The following GALNT17 variants were observed in gnomAD, a reference collection of about 807,000 sequenced individuals.
GALNT17 encodes polypeptide N-acetylgalactosaminyltransferase 17.
Under a neutral mutation model 63.7 loss-of-function variants are expected in GALNT17, and 29 were observed. The observed-to-expected ratio is 0.46, with a 90% CI of 0.34 to 0.62. GALNT17 has a LOEUF of 0.62. Ranked by LOEUF, GALNT17 falls within the 20% of genes least tolerant of loss-of-function variation. The pLI is 0.01. For missense variants in GALNT17, 603 were observed against 799.6 expected, an observed-to-expected ratio of 0.75 and a Z score of 2.97; for synonymous variants, 305 against 318.3, an observed-to-expected ratio of 0.96 and a Z score of 0.45.
chr7:71,315,582 T>C, intron 1 of GALNT17, among the ~76,000 whole-genome samples: 1 of 152,234 alleles, frequency 6.6e-6, no homozygotes, highest in East Asian at 1.9e-4. Flanking sequence ...TATGGGCTTG[T>C]GTTCATTATT....
chr7:71,191,911 C>T (rs1021840035), intron 1 of GALNT17, among the ~76,000 whole-genome samples: 35 of 152,098 alleles, frequency 2.3e-4, no homozygotes, highest in African/African-American at 7.2e-4. Context: ...CTCACAGGAT[C>T]GCAAGGTGAA....
At chr7:71,393,160 T>C (rs1448102526) in intron 3 of GALNT17, among the ~76,000 whole-genome samples, 1 of 152,242 alleles carries the variant, frequency 6.6e-6, no homozygotes, top group Non-Finnish European at 1.5e-5. Context: ...TCTGCATGGC[T>C]TCATTAATAG....
chr7:71,709,584 T>TG (rs902336331), intron 9 of GALNT17, among the ~76,000 whole-genome samples: 1 of 146,982 alleles, frequency 6.8e-6, no homozygotes, highest in Non-Finnish European at 1.5e-5. Context: ...TTGGGTTTTT[T>TG]TTTTTGTTTT....
intron 6 of GALNT17, among the ~76,000 whole-genome samples, chr7:71,573,860 G>T (rs1410087619): frequency 6.6e-6 from 1 of 152,140 alleles, no homozygotes; most frequent in Non-Finnish European, 1.5e-5. Context: ...CCCAGTGTCT[G>T]TGGTTCCCTT....
chr7:71,528,061 C>G (rs1289253869), intron 5 of GALNT17, among the ~76,000 whole-genome samples: 1 of 152,168 alleles, frequency 6.6e-6, no homozygotes, highest in Non-Finnish European at 1.5e-5. Flanking sequence ...TTAGCCATTC[C>G]AGGACAGGGA....
intron 1 of GALNT17, among the ~76,000 whole-genome samples, chr7:71,172,121 G>C (rs1324866602): frequency 6.6e-6 from 1 of 152,180 alleles, no homozygotes; most frequent in Non-Finnish European, 1.5e-5. Flanking sequence ...AAGAATATGA[G>C]AGGAGGGCGA....
At chr7:71,701,465 T>C (rs2867505) in intron 9 of GALNT17, among the ~76,000 whole-genome samples, 20,569 of 151,070 alleles carry the variant, frequency 0.14, 1,578 homozygotes, top group African/African-American at 0.2. Flanking sequence ...CCAGCCTGGA[T>C]AACAGAGTGA....
At chr7:71,418,828 C>T (rs369263315) in intron 4 of GALNT17, among the ~76,000 whole-genome samples, 1 of 152,184 alleles carries the variant, frequency 6.6e-6, no homozygotes, top group Non-Finnish European at 1.5e-5. Context: ...TGGGACCAGG[C>T]GTGGTGGCTT....
chr7:71,324,373 C>G (rs1791668075), intron 1 of GALNT17, among the ~76,000 whole-genome samples: 1 of 151,988 alleles, frequency 6.6e-6, no homozygotes, highest in African/African-American at 2.4e-5. Context: ...CCAAGAGGCC[C>G]AGCACAGTGG....
intron 1 of GALNT17, among the ~76,000 whole-genome samples, chr7:71,216,615 GACACAC>G (rs199932828): frequency 1.5e-4 from 22 of 150,360 alleles, no homozygotes; most frequent in African/African-American, 3.7e-4. Flanking sequence ...CATACACACA[GACACAC>G]ACACACACAT....
chr7:71,324,633 G>A (rs1791673210), intron 1 of GALNT17, among the ~76,000 whole-genome samples: 1 of 152,128 alleles, frequency 6.6e-6, no homozygotes. Context: ...ACTGCAGCCT[G>A]GGTGACAGAG....
chr7:71,349,466 T>C (rs1792153636), intron 2 of GALNT17, among the ~76,000 whole-genome samples: 1 of 152,132 alleles, frequency 6.6e-6, no homozygotes, highest in Admixed American at 6.6e-5. Flanking sequence ...CTGTGGCATA[T>C]GGAGGGAACA....
chr7:71,205,152 C>CT (rs759200277), intron 1 of GALNT17, among the ~76,000 whole-genome samples: 2,364 of 114,958 alleles, frequency 0.021, 95 homozygotes, highest in African/African-American at 0.043. Context: ...TTACTTTTTA[C>CT]TTTTTTTTTT....
intron 1 of GALNT17, among the ~76,000 whole-genome samples, chr7:71,185,514 TTTC>T (rs908629151): frequency 1.4e-4 from 21 of 145,854 alleles, no homozygotes; most frequent in Middle Eastern, 3.5e-3. Flanking sequence ...CTAATTTTCG[TTTC>T]TTTTCTTTTT....
intron 5 of GALNT17, among the ~76,000 whole-genome samples, chr7:71,426,690 G>C (rs572306884): frequency 4.8e-4 from 73 of 152,226 alleles, no homozygotes; most frequent in African/African-American, 1.6e-3. Flanking sequence ...GGAGGCCGAG[G>C]TGGGCTGATA....
At chr7:71,262,807 A>G (rs935599155) in intron 1 of GALNT17, among the ~76,000 whole-genome samples, 1 of 151,264 alleles carries the variant, frequency 6.6e-6, no homozygotes, top group African/African-American at 2.4e-5. Context: ...GAGCTCCCCA[A>G]GTAGCTGGGA....
chr7:71,669,492 T>C (rs753883586), intron 7 of GALNT17, among the ~76,000 whole-genome samples: 3 of 151,262 alleles, frequency 2.0e-5, no homozygotes, highest in Non-Finnish European at 4.4e-5. Context: ...GCCTGGGTGA[T>C]AGACCAAGAC....
chr7:71,567,753 G>A (rs527742582), intron 5 of GALNT17, among the ~76,000 whole-genome samples: 5 of 152,112 alleles, frequency 3.3e-5, no homozygotes, highest in South Asian at 2.1e-4. Flanking sequence ...GTGAGCCACC[G>A]CACCCAGCCC....
intron 1 of GALNT17, among the ~76,000 whole-genome samples, chr7:71,292,154 G>A (rs1336966241): frequency 6.6e-6 from 1 of 152,188 alleles, no homozygotes; most frequent in Non-Finnish European, 1.5e-5. Context: ...GATTCCGGGA[G>A]AGAGTAGTCA....
Sources: allele counts gnomAD v4.1 joint callset (sites outside exome capture counted in the v4.1 genomes callset), GRCh38; gene constraint gnomAD v4.1.1; transcripts MANE v1.5; gene names NCBI Gene and HGNC (gene_info 2026-07-23, HGNC 2026-07-21).